RIN2: variants seen among roughly 807,000 people sequenced by gnomAD.
The protein encoded by RIN2 is Ras and Rab interactor 2.
In RIN2, 36 loss-of-function variants were observed where a neutral mutation model predicts 78.0. That is an observed-to-expected ratio of 0.46 (90% confidence interval 0.35 to 0.61). The LOEUF (loss-of-function observed/expected upper bound fraction) is 0.61, where lower values mean the gene tolerates loss of function less well. RIN2 is among the 20% of genes least tolerant of loss of function. The pLI, the probability that RIN2 is intolerant of heterozygous loss-of-function variation, is 0.00. For synonymous variants in RIN2, 466 were observed against 466.8 expected, an observed-to-expected ratio of 1.00 and a Z score of 0.02; for missense variants, 1,087 against 1,159.7, an observed-to-expected ratio of 0.94 and a Z score of 0.91.
intron 2 of RIN2, among the ~76,000 whole-genome samples, chr20:19,829,580 G>T (rs1235471660): frequency 1.3e-5 from 2 of 152,170 alleles, no homozygotes; most frequent in African/African-American, 4.8e-5. Flanking sequence ...GTGACTATAG[G>T]AAATGTATTG....
intron 4 of RIN2, among the ~76,000 whole-genome samples, chr20:19,956,131 G>A (rs989637991): frequency 2.0e-5 from 3 of 151,464 alleles, no homozygotes; most frequent in African/African-American, 4.9e-5. Context: ...TGTGGTGTGC[G>A]CCTATAATCC....
At chr20:19,855,046 A>G (rs1470565795) in intron 2 of RIN2, among the ~76,000 whole-genome samples, 1 of 152,188 alleles carries the variant, frequency 6.6e-6, no homozygotes, top group Non-Finnish European at 1.5e-5. Flanking sequence ...TTATTTTGAG[A>G]TACGTCCCAT....
chr20:19,805,773 G>T (rs62203177), intron 2 of RIN2, among the ~76,000 whole-genome samples: 11,363 of 151,678 alleles, frequency 0.075, 426 homozygotes, highest in South Asian at 0.11. Flanking sequence ...GAACATGAAG[G>T]TTTGTTACAT....
Position 19,975,489 on chromosome 20 carries a change from G to A in RIN2, c.1464G>A (p.Val488=), listed in dbSNP as rs144752607. The part of the protein sequence containing the change: ...KSKKKRSSSF[V]LPKLVKSQLQ... ...AAAAGAAAAGGAGCAGCTCCTTCGT[G>A]CTGCCCAAGCTCGTCAAGTCCCAGC... The change falls in exon 9 of 13, where the codon GTG becomes GTA. Residue 488 remains valine, a synonymous_variant. Transcript: ENST00000255006. This position sits in a 1 kb window ranked among gnomAD's most constrained non-coding sequence, Gnocchi z 4.9. 3.1e-4 allele frequency: 505 copies of A among 1,614,058 alleles called. 5 individuals are homozygous for A. The East Asian group carries it at 0.01, about 33-fold the overall frequency.
intron 2 of RIN2, chr20:19,824,092 TGTATAAAA>T (rs2036011677): frequency 1.7e-6 from 1 of 598,960 alleles, no homozygotes; most frequent in African/African-American, 1.9e-5. Flanking sequence ...CTGAGTTAAT[TGTATAAAA>T]GTTATTTGCA....
rs1202573835 is a variant in RIN2, at chr20:19,970,867, C to T, written c.566C>T (p.Pro189Leu). The stretch of plus-strand genomic sequence containing the variant: ...GTTCTACCATTTACCTTGAAGTTGC[C>T]TTATGCCATTTCAACAGCCAAGTCG... Reference protein sequence around the residue: ...RDVLPFTLKLPYAISTAKSEA... With the variant: ...RDVLPFTLKLLYAISTAKSEA... Residue 189 changes from proline to leucine, a missense_variant, in exon 8 of 13, where the codon CCT becomes CTT. By Grantham distance (98) the Pro-to-Leu change is moderately conservative. Coordinates refer to ENST00000255006, the MANE Select transcript of RIN2 (RefSeq NM_018993.4). 2 of 1,613,476 alleles carry T rather than the reference C, an allele frequency of 1.2e-6. No individual in the cohort carries two copies. Among genetic ancestry groups the T allele is most frequent in the Non-Finnish European group, 1.7e-6 (2 of 1,179,740 alleles).
rs1265822833 is a variant in RIN2 at position 19,923,450 on chromosome 20, AAAATAAAATAAAATAAAAT to A, written c.58-11624_58-11606del. Among the ~76,000 whole-genome samples the A allele has an allele frequency of 4.2e-3, 542 of 129,552 alleles. 4 individuals are homozygous for A. The highest frequency in any genetic ancestry group is 0.012 in the African/African-American group (349 of 29,490). The allele number at this position is 129,552 out of a possible 152,430, so 85.0% of individuals were successfully genotyped here. A position where few individuals can be genotyped will look rare whatever the true frequency, so the allele number is the denominator to read the frequency against. On this transcript the variant is annotated intron_variant, in intron 3 of 12. Transcript: ENST00000255006. ...TAAATAAAATAAAATAAAATAAAAT[AAAATAAAATAAAATAAAAT>A]AAATAAAATAAAATAAAATAAATAT...
intron 3 of RIN2, among the ~76,000 whole-genome samples, chr20:19,908,727 C>A (rs1438389265): frequency 2.0e-5 from 3 of 152,202 alleles, no homozygotes; most frequent in Non-Finnish European, 2.9e-5. Context: ...TACTCACAGG[C>A]AGCAGAAGTT....
chr20:19,817,286 T>C (rs915443729), intron 2 of RIN2, among the ~76,000 whole-genome samples: 1 of 152,202 alleles, frequency 6.6e-6, no homozygotes, highest in African/African-American at 2.4e-5. Context: ...GAGTTCAAGG[T>C]GCTAGCTGAC....
At chr20:19,851,126 C>T (rs1172248451) in intron 2 of RIN2, among the ~76,000 whole-genome samples, 2 of 151,896 alleles carry the variant, frequency 1.3e-5, no homozygotes, top group Non-Finnish European at 2.9e-5. Context: ...AGAAAAAGGG[C>T]GAATTTGCCT....
chr20:19,990,057 G>A lies in RIN2; in HGVS notation c.1814G>A (p.Gly605Glu). 1.3e-6 allele frequency: 2 copies of A among 1,599,480 alleles called. No homozygotes were observed. The highest frequency in any genetic ancestry group is 1.7e-5 in the Admixed American group (1 of 57,610). The change falls in exon 10 of 13, where the codon GGG (glycine) becomes GAG (glutamate). Residue 605 changes from glycine to glutamate, a missense_variant. Gly to Glu is a moderately conservative substitution (Grantham distance 98). Around this residue, in one of 8 missense-constraint regions of RIN2, gnomAD observed 97 missense variants for 104.8 expected, o/e 0.93. Coordinates refer to ENST00000255006, the MANE Select transcript of RIN2 (RefSeq NM_018993.4). ...AAGTGCATCTTGAAGCCCCTCAAGGGGCACGTGGAGGCCATGCTGAAGGAC... is the reference window on the plus strand; with the variant it reads ...AAGTGCATCTTGAAGCCCCTCAAGGAGCACGTGGAGGCCATGCTGAAGGAC... ...MHKCILKPLKGHVEAMLKDFH... is the reference protein window; with the variant it reads ...MHKCILKPLKEHVEAMLKDFH...
At chr20:19,846,541 A>G (rs558588836) in intron 2 of RIN2, among the ~76,000 whole-genome samples, 6 of 152,298 alleles carry the variant, frequency 3.9e-5, no homozygotes, top group African/African-American at 7.2e-5. Flanking sequence ...GTGTATAGGA[A>G]TGTGTGTGAT....
At chr20:19,972,522 G>A (rs781491736) in intron 8 of RIN2, among the ~76,000 whole-genome samples, 4 of 152,192 alleles carry the variant, frequency 2.6e-5, no homozygotes, top group African/African-American at 4.8e-5. Context: ...TCCATTTTGC[G>A]TAGAGATAGA....
intron 3 of RIN2, among the ~76,000 whole-genome samples, chr20:19,932,046 T>C (rs1202093110): frequency 6.6e-6 from 1 of 152,228 alleles, no homozygotes; most frequent in East Asian, 1.9e-4. Flanking sequence ...AGAGGTGCCA[T>C]GGTTTGAATG....
chr20:19,975,452 C>G lies in RIN2; in HGVS notation c.1427C>G (p.Pro476Arg), dbSNP rs35142632. The G allele has an allele frequency of 2.5e-4, 406 of 1,614,078 alleles. 1 individual carries two copies. In the African/African-American group the frequency reaches 5.1e-3, roughly 20 times the overall value. ...AGTGACCAAGAGACCATGGCGCCCC[C>G]CATCAAGTCCAAAAAGAAAAGGAGC... ...GESDQETMAP[P>R]IKSKKKRSSS... Residue 476 changes from proline to arginine, a missense_variant, in exon 9 of 13, where the codon CCC becomes CGC. Pro to Arg is a moderately radical substitution (Grantham distance 103, BLOSUM62 -2). Around this residue, in one of 8 missense-constraint regions of RIN2, gnomAD observed 706 missense variants for 667.5 expected, o/e 1.06. Coordinates refer to ENST00000255006, the MANE Select transcript of RIN2 (RefSeq NM_018993.4). This position sits in a 1 kb window ranked among gnomAD's most constrained non-coding sequence, Gnocchi z 4.9.
At chr20:19,878,041 G>A (rs553982479) in intron 2 of RIN2, among the ~76,000 whole-genome samples, 1 of 152,208 alleles carries the variant, frequency 6.6e-6, no homozygotes, top group African/African-American at 2.4e-5. Context: ...AGTAGCGGAA[G>A]CTGTGTCCAT....
At chr20:19,792,412 C>T (rs748244442) in intron 1 of RIN2, among the ~76,000 whole-genome samples, 18 of 152,244 alleles carry the variant, frequency 1.2e-4, no homozygotes, top group Non-Finnish European at 2.1e-4. Flanking sequence ...AGAATCCACC[C>T]GGGTCATCAG....
rs890067485 is a variant in RIN2, at chr20:19,772,293, C to T, written c.-163+13966C>T. Among the ~76,000 whole-genome samples the T allele has an allele frequency of 3.9e-5, 6 of 152,308 alleles. No homozygotes were observed. In the South Asian group the frequency reaches 6.2e-4, roughly 16 times the overall value. On this transcript the variant is annotated intron_variant, in intron 1 of 12. Coordinates refer to ENST00000255006, the MANE Select transcript of RIN2 (RefSeq NM_018993.4). ...TACAAAGAACTCTTTACGAGTGCAT[C>T]GGTGCTCACTGTCCCCAAGTCTCTT... is the stretch of plus-strand genomic sequence containing the variant.
rs1303863735 is a variant in RIN2, at chr20:19,974,997, G to T, written c.972G>T (p.Arg324=). The change falls in exon 9 of 13, where the codon CGG becomes CGT. Residue 324 remains arginine, a synonymous_variant. Transcript: ENST00000255006. The part of the protein sequence containing the change: ...PAINSLHTSP[R]LARTETQTSM... ...TTAATAGTCTCCACACAAGCCCTCG[G>T]CTGGCCAGGACTGAAACCCAGACGA... 2 of 1,613,016 alleles carry T rather than the reference G, an allele frequency of 1.2e-6. No individual in the cohort carries two copies. The highest frequency in any genetic ancestry group is 1.1e-5 in the South Asian group (1 of 91,032).
Sources: gnomAD v4.1 joint callset for allele counts (sites outside exome capture counted in the v4.1 genomes callset) on GRCh38, gnomAD v4.1.1 for gene constraint, gnomAD v4.1.1 regional missense constraint, Gnocchi (gnomAD v3.1) non-coding constraint, MANE v1.5 for transcripts, NCBI Gene and HGNC (gene_info 2026-07-23, HGNC 2026-07-21) for gene names.